KCNH5: variants seen among roughly 807,000 people sequenced by gnomAD.
The protein encoded by KCNH5 is potassium voltage-gated channel subfamily H member 5.
KCNH5 carries 46 observed loss-of-function variants against 96.1 expected under a neutral mutation model. The ratio of observed to expected loss-of-function variants is 0.48; its 90% CI spans 0.38 to 0.61. The LOEUF (loss-of-function observed/expected upper bound fraction) is 0.61. KCNH5 is among the 20% of genes least tolerant of loss of function. KCNH5 has a pLI of 0.00. For synonymous variants in KCNH5, 439 were observed against 449.8 expected (o/e 0.98, Z 0.30); for missense variants, 907 against 1,225.8 (o/e 0.74, Z 3.88).
At chr14:62,789,539 C>T (rs1411809275) in intron 9 of KCNH5, among the ~76,000 whole-genome samples, 1 of 151,970 alleles carries the variant, frequency 6.6e-6, no homozygotes, top group Non-Finnish European at 1.5e-5. Context: ...AAACTACACT[C>T]CCACCAACGG....
At chr14:62,975,508 T>A (rs1890483510) in intron 6 of KCNH5, among the ~76,000 whole-genome samples, 1 of 151,486 alleles carries the variant, frequency 6.6e-6, no homozygotes, top group South Asian at 2.1e-4. Context: ...AAGGAAAAAA[T>A]TAAAAATAAT....
At chr14:62,912,728 G>A (rs1035473802) in intron 7 of KCNH5, among the ~76,000 whole-genome samples, 1 of 152,030 alleles carries the variant, frequency 6.6e-6, no homozygotes, top group Non-Finnish European at 1.5e-5. Flanking sequence ...TTTAATAATT[G>A]TCTCTAAAAG....
chr14:62,754,404 ATT>A (rs1885573004), intron 10 of KCNH5, among the ~76,000 whole-genome samples: 1 of 152,104 alleles, frequency 6.6e-6, no homozygotes, highest in South Asian at 2.1e-4. Context: ...TCAATACAAC[ATT>A]AAATGTACAT....
chr14:63,045,222 G>A lies in KCNH5; in HGVS notation c.-36C>T, dbSNP rs371508024. ...GAGAGCAGCGGCCAGGATCCGCGGC[G>A]GGGGAGGGGGGGATGCAGGCAAAGA... On this transcript the variant is annotated 5_prime_UTR_variant, in exon 1 of 11. Coordinates refer to ENST00000322893, the MANE Select transcript of KCNH5 (RefSeq NM_139318.5). The A allele has an allele frequency of 2.7e-6, 4 of 1,488,974 alleles. No homozygotes were observed. Among genetic ancestry groups the A allele is most frequent in the Non-Finnish European group, 3.7e-6 (4 of 1,069,878 alleles). 92.2% of individuals were successfully genotyped at this position (1,488,974 alleles called of 1,614,324 possible).
intron 1 of KCNH5, among the ~76,000 whole-genome samples, chr14:63,026,027 T>C (rs1007942094): frequency 6.6e-6 from 1 of 151,586 alleles, no homozygotes; most frequent in Non-Finnish European, 1.5e-5. Flanking sequence ...CAAAGACAAA[T>C]AAAACATAAT....
rs577443930 is a variant in KCNH5, at chr14:62,767,092, T to C, written c.2019+12636A>G. On this transcript the variant is annotated intron_variant, in intron 10 of 10. Transcript: ENST00000322893. ...GAAAAATTCTCAACATCAATAGTCA[T>C]TAGAGAAATGCACATCAAAACTACA... 4.2e-4 allele frequency among the ~76,000 whole-genome samples: 64 copies of C among 151,920 alleles called. No individual in the cohort carries two copies. In the South Asian group the frequency reaches 0.013, roughly 31 times the overall value.
At chr14:62,933,309 A>G (rs1889615159) in intron 7 of KCNH5, among the ~76,000 whole-genome samples, 1 of 152,216 alleles carries the variant, frequency 6.6e-6, no homozygotes, top group Admixed American at 6.5e-5. Flanking sequence ...ACAGGAAAAT[A>G]ATCACAGTAT....
In KCNH5 at chr14:62,802,932, A is replaced by T. The variant is rs182412226; in HGVS notation, c.1570-351T>A. On this transcript the variant is annotated intron_variant, in intron 8 of 10. Coordinates refer to ENST00000322893, the MANE Select transcript of KCNH5 (RefSeq NM_139318.5). ...CAAGGCGGGTAGATCACTTGAGCTC[A>T]GTAGCTCGAGACCAGCCTGGGCAAC... is the stretch of plus-strand genomic sequence containing the variant. Among the ~76,000 whole-genome samples the T allele has an allele frequency of 2.5e-3, 386 of 152,296 alleles. 1 individual carries two copies. The highest frequency in any genetic ancestry group is 4.3e-3 in the Non-Finnish European group (295 of 68,026).
rs140411983 is a variant in KCNH5, at chr14:62,800,146, G to A, written c.1822+2183C>T. ...CTTTTGAATGAACTAGTCTTTTTCA[G>A]AGCCTATAGAAAAAAAAGAAAGGTC... On this transcript the variant is annotated intron_variant, in intron 9 of 10. Transcript: ENST00000322893. Among the ~76,000 whole-genome samples, 1,214 of 151,758 alleles carry A rather than the reference G, an allele frequency of 8.0e-3. 11 individuals are homozygous for A. Among genetic ancestry groups the A allele is most frequent in the African/African-American group, 0.027 (1,115 of 41,384 alleles).
intron 6 of KCNH5, among the ~76,000 whole-genome samples, chr14:62,952,212 T>C (rs944445077): frequency 2.0e-5 from 3 of 152,180 alleles, no homozygotes; most frequent in African/African-American, 7.2e-5. Context: ...TATTGTAGCA[T>C]ATATACAGCC....
intron 10 of KCNH5, among the ~76,000 whole-genome samples, chr14:62,733,345 G>T (rs1210680598): frequency 6.6e-6 from 1 of 152,052 alleles, no homozygotes; most frequent in African/African-American, 2.4e-5. Flanking sequence ...ACACGAGAGA[G>T]ATTGCTTTCT....
At chr14:62,861,922 GA>G (rs933977340) in intron 7 of KCNH5, among the ~76,000 whole-genome samples, 3 of 151,206 alleles carry the variant, frequency 2.0e-5, no homozygotes, top group Admixed American at 6.6e-5. Flanking sequence ...AGCTACAGAA[GA>G]AAAAAAAGGA....
At chr14:62,873,787 A>C (rs1888311465) in intron 7 of KCNH5, among the ~76,000 whole-genome samples, 1 of 152,174 alleles carries the variant, frequency 6.6e-6, no homozygotes, top group South Asian at 2.1e-4. Flanking sequence ...CAGCCCTTAG[A>C]ATCTACAAGC....
At position 63,006,474 on chromosome 14, in the gene KCNH5, TG is replaced by T. The variant is rs752865520; in HGVS notation, c.198-3del. The T allele has an allele frequency of 2.1e-5, 33 of 1,564,544 alleles. No individual in the cohort carries two copies. The highest frequency in any genetic ancestry group is 3.4e-5 in the Admixed American group (2 of 58,474). On this transcript the variant is annotated splice_polypyrimidine_tract_variant and splice_region_variant and intron_variant, in intron 2 of 10. Transcript: ENST00000322893. ...TCAGTCAATTCCCCATACATAAAACTGGGGGGGAAAAAAAACAAACAATCGA... is the reference window on the plus strand; with the variant it reads ...TCAGTCAATTCCCCATACATAAAACTGGGGGGAAAAAAAACAAACAATCGA...
At chr14:62,853,494 A>ATATGATATATATATATATATATATG (rs375695583) in intron 7 of KCNH5, among the ~76,000 whole-genome samples, 1,933 of 102,066 alleles carry the variant, frequency 0.019, 73 homozygotes, top group African/African-American at 0.064. Context: ...ATATATATAT[A>ATATGATATATATATATATATATATG]ATCTTGGCCA....
At chr14:62,963,039 T>C (rs1418939613) in intron 6 of KCNH5, among the ~76,000 whole-genome samples, 1 of 152,140 alleles carries the variant, frequency 6.6e-6, no homozygotes, top group Non-Finnish European at 1.5e-5. Flanking sequence ...TAGGTCACAA[T>C]GCCTACATCA....
intron 7 of KCNH5, among the ~76,000 whole-genome samples, chr14:62,910,207 T>A (rs1281587259): frequency 6.6e-6 from 1 of 151,928 alleles, no homozygotes; most frequent in African/African-American, 2.4e-5. Flanking sequence ...GTTTCATTTT[T>A]AAAAACCTTA....
intron 3 of KCNH5, among the ~76,000 whole-genome samples, chr14:63,005,396 A>G (rs1426631058): frequency 6.6e-6 from 1 of 152,202 alleles, no homozygotes; most frequent in East Asian, 1.9e-4. Context: ...AAGTAAATGG[A>G]GAGGATAAAT....
At chr14:63,023,001 C>T (rs138694713) in intron 1 of KCNH5, among the ~76,000 whole-genome samples, 65 of 151,992 alleles carry the variant, frequency 4.3e-4, no homozygotes, top group African/African-American at 1.4e-3. Flanking sequence ...GTCAGGAGAT[C>T]GAGGCCAGCC....
Sources: gnomAD v4.1 joint callset for allele counts (sites outside exome capture counted in the v4.1 genomes callset) on GRCh38, gnomAD v4.1.1 for gene constraint, MANE v1.5 for transcripts, NCBI Gene and HGNC (gene_info 2026-07-23, HGNC 2026-07-21) for gene names.